The following UBXN2A variants were observed in gnomAD, a reference collection of about 807,000 sequenced individuals.
UBXN2A encodes UBX domain protein 2A, also known as UBX domain-containing protein 2A.
Under a neutral mutation model 28.4 loss-of-function variants are expected in UBXN2A, and 28 were observed. The ratio of observed to expected loss-of-function variants is 0.99; its 90% CI spans 0.73 to 1.35. UBXN2A has a LOEUF of 1.35. UBXN2A is among the 40% of genes most tolerant of loss of function. UBXN2A has a pLI of 0.00. For synonymous variants in UBXN2A, 97 were observed against 103.6 expected (o/e 0.94, Z 0.39); for missense variants, 253 against 297.9 (o/e 0.85, Z 1.11).
At chr2:23,981,279 C>T in intron 4 of UBXN2A, among the ~76,000 whole-genome samples, 1 of 111,730 alleles carries the variant, frequency 9.0e-6, no homozygotes, top group East Asian at 2.5e-4. Context: ...CCAGTCCGGC[C>T]AACATAGCGA....
In UBXN2A at chr2:23,977,016, C is replaced by T. The variant is rs538162030; in HGVS notation, c.228C>T (p.Asp76=). The change falls in exon 4 of 7, where the codon GAC becomes GAT. Residue 76 remains aspartate (D), a synonymous_variant. Transcript: ENST00000309033. The part of the protein sequence containing the change: ...KLWKNGFTVN[D]DFRSYSDGAS... ...GGAAAAACGGATTCACCGTCAACGA[C>T]GATTTCAGAAGTTATTCCGATGGTG... The T allele has an allele frequency of 1.3e-3, 2,142 of 1,612,562 alleles. 44 individuals carry two copies. In the South Asian group the frequency reaches 0.022, roughly 17 times the overall value.
At chr2:23,996,479 CTT>C (rs869068732) in intron 6 of UBXN2A, among the ~76,000 whole-genome samples, 15 of 134,772 alleles carry the variant, frequency 1.1e-4, no homozygotes, top group Admixed American at 3.8e-4. Flanking sequence ...TTTTCTTTTT[CTT>C]TTTTTTTTTT....
intron 6 of UBXN2A, among the ~76,000 whole-genome samples, chr2:23,996,231 T>C (rs935248799): frequency 2.0e-5 from 3 of 151,332 alleles, no homozygotes; most frequent in South Asian, 2.1e-4. Context: ...CATGCTTGGC[T>C]AATTTTTTAT....
intron 1 of UBXN2A, among the ~76,000 whole-genome samples, chr2:23,949,261 C>T (rs994969153): frequency 6.6e-6 from 1 of 151,880 alleles, no homozygotes; most frequent in Non-Finnish European, 1.5e-5. Flanking sequence ...CACACCCAAC[C>T]CTCTTGTAGC....
intron 1 of UBXN2A, among the ~76,000 whole-genome samples, chr2:23,933,625 G>A (rs1372372783): frequency 1.3e-5 from 2 of 152,236 alleles, no homozygotes; most frequent in Admixed American, 1.3e-4. Flanking sequence ...AGGGGGCTGA[G>A]GCAGGAGGAT....
intron 6 of UBXN2A, among the ~76,000 whole-genome samples, chr2:23,990,616 A>T (rs1171047904): frequency 1.3e-5 from 2 of 151,720 alleles, no homozygotes; most frequent in Non-Finnish European, 2.9e-5. Context: ...TCCACAAAAA[A>T]TACAAAAATT....
At chr2:23,949,116 C>CTTTT (rs1223944833) in intron 1 of UBXN2A, among the ~76,000 whole-genome samples, 9 of 127,090 alleles carry the variant, frequency 7.1e-5, no homozygotes, top group South Asian at 2.7e-4. Context: ...ATTTTTTTTT[C>CTTTT]TTTTTTTTTT....
intron 6 of UBXN2A, among the ~76,000 whole-genome samples, chr2:23,998,361 A>G (rs933258401): frequency 1.3e-5 from 2 of 152,250 alleles, no homozygotes; most frequent in Non-Finnish European, 2.9e-5. Flanking sequence ...GAGACAGAAA[A>G]TAAATAAGTC....
At chr2:23,985,260 T>G (rs532005523) in intron 6 of UBXN2A, among the ~76,000 whole-genome samples, 1 of 151,964 alleles carries the variant, frequency 6.6e-6, no homozygotes, top group East Asian at 1.9e-4. Flanking sequence ...TATTTATTTA[T>G]TTTTTTGAGT....
At chr2:23,938,689 C>T (rs1705612453), upstream of UBXN2A, among the ~76,000 whole-genome samples, 1 of 151,634 alleles carries the variant, frequency 6.6e-6, no homozygotes, top group South Asian at 2.1e-4. Flanking sequence ...AGCTACTATA[C>T]AGCTGTATAC....
intron 4 of UBXN2A, among the ~76,000 whole-genome samples, chr2:23,979,779 C>A (rs1707820537): frequency 6.6e-6 from 1 of 152,014 alleles, no homozygotes; most frequent in Admixed American, 6.6e-5. Context: ...CTGTGTTACC[C>A]AGGCTGGTCT....
intron 3 of UBXN2A, among the ~76,000 whole-genome samples, chr2:23,974,512 AT>A (rs991033263): frequency 1.9e-4 from 28 of 147,354 alleles, no homozygotes; most frequent in African/African-American, 7.0e-4. Context: ...CGCCTGGCTA[AT>A]TTTTTTGTAT....
chr2:23,957,819 A>C (rs1706704542), intron 1 of UBXN2A, among the ~76,000 whole-genome samples: 1 of 152,150 alleles, frequency 6.6e-6, no homozygotes, highest in Admixed American at 6.6e-5. Flanking sequence ...GGGCAACAAG[A>C]GCGGTACTCC....
intron 3 of UBXN2A, 68 bp downstream of exon 3, chr2:23,971,482 C>T: frequency 7.1e-7 from 1 of 1,403,800 alleles, no homozygotes; most frequent in Non-Finnish European, 9.4e-7. Context: ...GTTAGAGGGT[C>T]CCTAAGGTCA....
At chr2:23,948,244 TTTTC>T (rs1401651297) in intron 1 of UBXN2A, among the ~76,000 whole-genome samples, 4 of 148,612 alleles carry the variant, frequency 2.7e-5, no homozygotes, top group African/African-American at 4.9e-5. Flanking sequence ...AGATGTTTCT[TTTTC>T]TTTTTCTTTT....
chr2:23,982,559 T>G (rs2339935), intron 4 of UBXN2A, among the ~76,000 whole-genome samples: 111,421 of 151,678 alleles, frequency 0.73, 41,337 homozygotes, highest in East Asian at 0.85. Flanking sequence ...ACTTTGGGAG[T>G]CTGAGGGAGG....
At chr2:23,944,609 A>G (rs953100977) in intron 1 of UBXN2A, among the ~76,000 whole-genome samples, 3 of 152,144 alleles carry the variant, frequency 2.0e-5, no homozygotes, top group Admixed American at 6.5e-5. Context: ...ATCTGGGCCT[A>G]GAAGCAGTTA....
chr2:24,003,535 T>G lies in UBXN2A; in HGVS notation c.*3668T>G, dbSNP rs1050048960. On this transcript the variant is annotated 3_prime_UTR_variant, in exon 7 of 7. Coordinates refer to ENST00000309033, the MANE Select transcript of UBXN2A (RefSeq NM_181713.4). ...TTGTGAGAATGCTGCTTTTCCTAGC[T>G]CCCAGCCTTCCATGGGGCAGAAGGC... is the stretch of plus-strand genomic sequence containing the variant. The G allele has an allele frequency of 2.0e-5, 3 of 152,100 alleles. No homozygotes were observed. Among genetic ancestry groups the G allele is most frequent in the Non-Finnish European group, 4.4e-5 (3 of 68,016 alleles). The allele number at this position is 152,100 out of a possible 1,614,324, so 9.4% of individuals were successfully genotyped here.
intron 2 of UBXN2A, among the ~76,000 whole-genome samples, chr2:23,969,399 T>A (rs1310635250): frequency 1.3e-5 from 2 of 152,010 alleles, no homozygotes; most frequent in African/African-American, 4.8e-5. Context: ...GTATTTGCTC[T>A]GTTGCCAGGC....
Sources: gnomAD v4.1 joint callset for allele counts (sites outside exome capture counted in the v4.1 genomes callset) on GRCh38, gnomAD v4.1.1 for gene constraint, MANE v1.5 for transcripts, NCBI Gene and HGNC (gene_info 2026-07-23, HGNC 2026-07-21) for gene names.